Variants in TTC7B observed in about 807,000 individuals in gnomAD.
TTC7B encodes the protein tetratricopeptide repeat domain 7B.
TTC7B carries 28 observed loss-of-function variants against 106.8 expected under a neutral mutation model. The ratio of observed to expected loss-of-function variants is 0.26; its 90% CI spans 0.19 to 0.36. The LOEUF is 0.36. TTC7B is among the 10% of genes least tolerant of loss of function. The pLI is 1.00. For missense variants in TTC7B, 862 were observed against 1,076.4 expected (o/e 0.80, Z 2.79); for synonymous variants, 405 against 430.6 (o/e 0.94, Z 0.74).
intron 2 of TTC7B, among the ~76,000 whole-genome samples, chr14:90,782,361 G>A (rs1445800174): frequency 2.0e-5 from 3 of 152,210 alleles, no homozygotes; most frequent in African/African-American, 7.2e-5. Context: ...CACTTTGGGA[G>A]GCCGAGGCAG....
intron 18 of TTC7B, chr14:90,585,927 C>G (rs1232415198): frequency 6.6e-6 from 1 of 152,332 alleles, no homozygotes; most frequent in South Asian, 2.1e-4. Flanking sequence ...ATGCTTTTGT[C>G]GCTACATTCC....
At position 90,577,165 on chromosome 14, in the gene TTC7B, A is replaced by G. The variant is rs1891292056; in HGVS notation, c.2310+941T>C. ...AGGCTCTTCTTTCCTGCGGTTCATG[A>G]CATCAGCGATGTCTACTGCTAAAAA... is the stretch of plus-strand genomic sequence containing the variant. On this transcript the variant is annotated intron_variant, in intron 19 of 19. Transcript: ENST00000328459. This position sits in a 1 kb window ranked among gnomAD's most constrained non-coding sequence, Gnocchi z 5.0. Among the ~76,000 whole-genome samples the G allele has an allele frequency of 6.6e-6, 1 of 152,176 alleles. No homozygotes were observed. Among genetic ancestry groups the G allele is most frequent in the Non-Finnish European group, 1.5e-5 (1 of 68,032 alleles).
intron 4 of TTC7B, among the ~76,000 whole-genome samples, chr14:90,744,189 A>G (rs1889872500): frequency 6.6e-6 from 1 of 152,262 alleles, no homozygotes; most frequent in African/African-American, 2.4e-5. Flanking sequence ...CCATTTTATT[A>G]GGAAGACAGG....
chr14:90,798,646 G>T (rs1472273790), intron 1 of TTC7B, among the ~76,000 whole-genome samples: 1 of 126,924 alleles, frequency 7.9e-6, no homozygotes, highest in African/African-American at 2.8e-5. Context: ...GGAGGCAGAG[G>T]TTGCAATGAG....
chr14:90,596,763 G>A (rs1027293882), intron 17 of TTC7B, among the ~76,000 whole-genome samples: 9 of 152,302 alleles, frequency 5.9e-5, no homozygotes, highest in South Asian at 2.1e-4. Flanking sequence ...TGCGAACTAC[G>A]TCCTCAGGGT....
In TTC7B at chr14:90,786,249, A is replaced by T; in HGVS notation, c.201T>A (p.Ser67Arg). The T allele has an allele frequency of 6.2e-7, 1 of 1,610,784 alleles. No homozygotes were observed. The highest frequency in any genetic ancestry group is 8.5e-7 in the Non-Finnish European group (1 of 1,178,564). The change falls in exon 2 of 20, where the codon AGT becomes AGA. Residue 67 changes from serine (S) to arginine (R), a missense_variant. By Grantham distance (110) the Ser-to-Arg change is moderately radical (BLOSUM62 -1). Transcript: ENST00000328459. ...LKEHPLRQGA[S>R]PRGPKPQLTE... ...TCAGCTGGGGCTTGGGGCCTCGGGGACTGGCCCCCTGCCTCAGGGGGTGTT... is the reference window on the plus strand; with the variant it reads ...TCAGCTGGGGCTTGGGGCCTCGGGGTCTGGCCCCCTGCCTCAGGGGGTGTT...
intron 17 of TTC7B, among the ~76,000 whole-genome samples, chr14:90,610,415 A>G (rs987203019): frequency 6.6e-6 from 1 of 152,210 alleles, no homozygotes; most frequent in Non-Finnish European, 1.5e-5. Context: ...CTGAAACCCA[A>G]AGAGAGAGGG....
chr14:90,816,359 T>G lies in TTC7B; in HGVS notation c.-64A>C. 12 of 866,552 alleles carry G rather than the reference T, an allele frequency of 1.4e-5. No individual in the cohort carries two copies. The highest frequency in any genetic ancestry group is 1.3e-4 in the East Asian group (1 of 7,544). 53.7% of individuals were successfully genotyped at this position (866,552 alleles called of 1,614,324 possible). ...CCACCGCCGCCGCCGCGGCGCCCCC[T>G]CGCCGCCTCCCGCCGCCGCCGCGGG... is the stretch of plus-strand genomic sequence containing the variant. On this transcript the variant is annotated 5_prime_UTR_variant, in exon 1 of 20. Coordinates refer to ENST00000328459, the MANE Select transcript of TTC7B (RefSeq NM_001010854.2).
At chr14:90,814,967 A>G (rs2031091684) in intron 1 of TTC7B, among the ~76,000 whole-genome samples, 2 of 152,174 alleles carry the variant, frequency 1.3e-5, no homozygotes, top group Non-Finnish European at 2.9e-5. Context: ...ACCAAGTTCT[A>G]ATTTCCAGGC....
intron 19 of TTC7B, among the ~76,000 whole-genome samples, chr14:90,543,671 C>T (rs1230796536): frequency 6.6e-6 from 1 of 152,236 alleles, no homozygotes; most frequent in Non-Finnish European, 1.5e-5. Flanking sequence ...ACTTGCATTA[C>T]CTCTCTTGGA....
intron 1 of TTC7B, among the ~76,000 whole-genome samples, chr14:90,804,413 G>A (rs1156817266): frequency 6.6e-6 from 1 of 152,194 alleles, no homozygotes; most frequent in East Asian, 1.9e-4. Context: ...GTGGCACTGA[G>A]TCCTGGCCTG....
intron 9 of TTC7B, among the ~76,000 whole-genome samples, chr14:90,673,127 G>A (rs1057172630): frequency 3.3e-5 from 5 of 152,178 alleles, no homozygotes; most frequent in Non-Finnish European, 7.4e-5. Context: ...AGATGGGTGA[G>A]GTGCCAGTGG....
intron 13 of TTC7B, among the ~76,000 whole-genome samples, chr14:90,651,308 A>T (rs1885706347): frequency 6.6e-6 from 1 of 152,250 alleles, no homozygotes; most frequent in Admixed American, 6.5e-5. Flanking sequence ...CTGCAATATC[A>T]TCAGTTAGGT....
chr14:90,658,003 G>C (rs1238013256), intron 10 of TTC7B: 1 of 378,144 alleles, frequency 2.6e-6, no homozygotes, highest in East Asian at 5.6e-5. Flanking sequence ...TTAACTCTCA[G>C]ATGAGTGGAG....
At chr14:90,551,941 G>A (rs1053194742) in intron 19 of TTC7B, among the ~76,000 whole-genome samples, 13 of 152,252 alleles carry the variant, frequency 8.5e-5, no homozygotes, top group Non-Finnish European at 1.6e-4. Flanking sequence ...TTTCCACCTG[G>A]ATTCTAGAAG....
rs533688416 is a variant in TTC7B, at chr14:90,666,510, G to A, written c.1153-8123C>T. Among the ~76,000 whole-genome samples, 5 of 152,308 alleles carry A rather than the reference G, an allele frequency of 3.3e-5. No homozygotes were observed. The South Asian group carries it at 1.0e-3, about 32-fold the overall frequency. ...GTACAAATTAAAATGGAGTTTGAGA[G>A]GTCTATCTACAGGAGCCTGGGTCCA... On this transcript the variant is annotated intron_variant, in intron 9 of 19. Coordinates refer to ENST00000328459, the MANE Select transcript of TTC7B (RefSeq NM_001010854.2).
At chr14:90,572,418 C>T (rs1475157395) in intron 19 of TTC7B, among the ~76,000 whole-genome samples, 2 of 152,196 alleles carry the variant, frequency 1.3e-5, no homozygotes, top group Non-Finnish European at 1.5e-5. Context: ...GGGCCATCTC[C>T]CAAACCTACC....
intron 2 of TTC7B, among the ~76,000 whole-genome samples, chr14:90,785,674 G>A (rs1193288209): frequency 2.0e-5 from 3 of 152,160 alleles, no homozygotes; most frequent in Admixed American, 1.3e-4. Context: ...CCTTGTGCCT[G>A]AGGGTGAGGG....
intron 8 of TTC7B, among the ~76,000 whole-genome samples, chr14:90,678,951 A>G (rs1287325634): frequency 6.6e-6 from 1 of 152,188 alleles, no homozygotes; most frequent in East Asian, 1.9e-4. Flanking sequence ...CCCAAAGGGA[A>G]CTACCTGCCA....
Sources: gnomAD v4.1 joint callset for allele counts (sites outside exome capture counted in the v4.1 genomes callset) on GRCh38, gnomAD v4.1.1 for gene constraint, Gnocchi (gnomAD v3.1) non-coding constraint, MANE v1.5 for transcripts, NCBI Gene and HGNC (gene_info 2026-07-23, HGNC 2026-07-21) for gene names.